CPNE7: variants seen among roughly 807,000 people sequenced by gnomAD.
CPNE7 encodes the protein copine 7, also known as copine-7.
A neutral mutation model predicts 66.5 loss-of-function variants in CPNE7; 78 were observed. The ratio of observed to expected loss-of-function variants is 1.17; its 90% confidence interval spans 0.98 to 1.42. The LOEUF (loss-of-function observed/expected upper bound fraction) is 1.42. Among genes scored for constraint, CPNE7 ranks in the 40% most tolerant of loss-of-function variants. The pLI is 0.00. For synonymous variants in CPNE7, 468 were observed against 336.7 expected (o/e 1.39, Z -4.27); for missense variants, 1,012 against 776.6 (o/e 1.30, Z -3.60).
intron 9 of CPNE7, among the ~76,000 whole-genome samples, chr16:89,588,240 C>T (rs1462183765): frequency 6.7e-6 from 1 of 149,182 alleles, no homozygotes; most frequent in African/African-American, 2.4e-5. Flanking sequence ...CCCCGTGTCA[C>T]CCGCGTGTTA....
intron 13 of CPNE7, among the ~76,000 whole-genome samples, chr16:89,594,407 A>T (rs933740058): frequency 3.3e-5 from 5 of 152,020 alleles, no homozygotes; most frequent in African/African-American, 1.2e-4. Context: ...CCTCTTGGAG[A>T]AGGCGACTCT....
At chr16:89,578,546 G>A (rs1398788774) in intron 2 of CPNE7, among the ~76,000 whole-genome samples, 2 of 151,890 alleles carry the variant, frequency 1.3e-5, no homozygotes, top group Non-Finnish European at 2.9e-5. Context: ...GATCACTTGA[G>A]GTCAGGAGTT....
In CPNE7 at chr16:89,595,439, C is replaced by G. The variant is rs772192853; in HGVS notation, c.1375C>G (p.Arg459Gly). Residue 459 changes from arginine to glycine, a missense_variant, in exon 14 of 15, where the codon CGT becomes GGT. Coordinates refer to ENST00000319518, the MANE Select transcript of CPNE7 (RefSeq NM_153636.3). ...GGCCGACACACGGGAGGCCATTGTG[C>G]GTGCCTCACGCCTGCCCATGTCCAT... Reference protein sequence around the residue: ...DMADTREAIVRASRLPMSIII... With the variant: ...DMADTREAIVGASRLPMSIII... 5 of 1,610,716 alleles carry G rather than the reference C, an allele frequency of 3.1e-6. No individual in the cohort carries two copies. Among genetic ancestry groups the G allele is most frequent in the Non-Finnish European group, 3.4e-6 (4 of 1,178,662 alleles).
chr16:89,591,092 G>A (rs1397200406), intron 12 of CPNE7, 34 bp downstream of exon 12: 2 of 1,613,330 alleles, frequency 1.2e-6, no homozygotes, highest in East Asian at 2.2e-5. Flanking sequence ...GGAGGGGAGT[G>A]CAGGGGGGCC....
intron 10 of CPNE7, among the ~76,000 whole-genome samples, chr16:89,589,058 G>A (rs548764082): frequency 5.9e-5 from 9 of 152,324 alleles, no homozygotes; most frequent in East Asian, 3.9e-4. Flanking sequence ...TTGGGAGGCC[G>A]AGGCGGGTGG....
chr16:89,587,738 TAC>T (rs2059085205), intron 9 of CPNE7: 4 of 128,054 alleles, frequency 3.1e-5, no homozygotes, highest in South Asian at 1.7e-4. Flanking sequence ...CACCCACAGA[TAC>T]ACGGCCCCCG....
rs1352741559 is a variant in CPNE7 at position 89,587,219 on chromosome 16, C to G, written c.927+117C>G. Reference sequence around the variant, plus strand: ...CCCTCAGTCTGTGGCCCCGCCCATCCCCGCCCCCTCAGTCCGTGGCCCCGC... The same window carrying G: ...CCCTCAGTCTGTGGCCCCGCCCATCGCCGCCCCCTCAGTCCGTGGCCCCGC... On this transcript the variant is annotated intron_variant, in intron 9 of 14. Coordinates refer to ENST00000319518, the MANE Select transcript of CPNE7 (RefSeq NM_153636.3). 40 of 324,352 alleles carry G rather than the reference C, an allele frequency of 1.2e-4. No individual in the cohort carries two copies. The East Asian group carries it at 1.7e-3, about 14-fold the overall frequency. The allele number at this position is 324,352 out of a possible 1,614,324, so 20.1% of individuals were successfully genotyped here.
intron 2 of CPNE7, 153 bp from the exon 3 acceptor site, chr16:89,583,544 C>T (rs752266902): frequency 1.9e-6 from 3 of 1,579,742 alleles, no homozygotes; most frequent in East Asian, 2.3e-5. Context: ...TGAGAGCAGC[C>T]ACAAAGGGGG....
In CPNE7 at chr16:89,595,579, C is replaced by G. The variant is rs544901695; in HGVS notation, c.1515C>G (p.Phe505Leu). 6.2e-7 allele frequency: 1 copy of G among 1,606,920 alleles called. No homozygotes were observed. The highest frequency in any genetic ancestry group is 8.5e-7 in the Non-Finnish European group (1 of 1,175,586). The change falls in exon 14 of 15, where the codon TTC becomes TTG. Residue 505 changes from phenylalanine to leucine, a missense_variant. Phe to Leu is a conservative substitution (Grantham distance 22, BLOSUM62 0). Transcript: ENST00000319518. Reference sequence around the variant, plus strand: ...CCGCGCTCCGGGACATCGTACAGTTCGTGCCCTTCCGGGAGCTCAAGAACG... The same window carrying G: ...CCGCGCTCCGGGACATCGTACAGTTGGTGCCCTTCCGGGAGCTCAAGAACG... ...GEPALRDIVQFVPFRELKNAS... is the reference protein window; with the variant it reads ...GEPALRDIVQLVPFRELKNAS...
chr16:89,596,700 A>G lies in CPNE7; in HGVS notation c.*79A>G. The G allele has an allele frequency of 7.0e-7, 1 of 1,418,590 alleles. No individual in the cohort carries two copies. The highest frequency in any genetic ancestry group is 1.5e-5 in the African/African-American group (1 of 68,596). The allele number at this position is 1,418,590 out of a possible 1,614,324, so 87.9% of individuals were successfully genotyped here. ...GTCTGCAACATGCTTGGGGTCCCTT[A>G]AGCTCCCTCCGACCTCCCAGAAGCC... On this transcript the variant is annotated 3_prime_UTR_variant, in exon 15 of 15. Transcript: ENST00000319518.
At position 89,588,832 on chromosome 16, in the gene CPNE7, C is replaced by T. The variant is rs760848112; in HGVS notation, c.1061+24C>T. 42 of 1,608,396 alleles carry T rather than the reference C, an allele frequency of 2.6e-5. No homozygotes were observed. In the South Asian group the frequency reaches 4.5e-4, roughly 17 times the overall value. On this transcript the variant is annotated intron_variant, in intron 10 of 14. Coordinates refer to ENST00000319518, the MANE Select transcript of CPNE7 (RefSeq NM_153636.3). ...AGGTGCGCCCACCACCTTCCCCTCA[C>T]CCCCTGGTCTCCAGGTCAGCTATGA... is the stretch of plus-strand genomic sequence containing the variant.
chr16:89,592,939 A>C (rs560836670), intron 13 of CPNE7, among the ~76,000 whole-genome samples: 9 of 146,962 alleles, frequency 6.1e-5, no homozygotes, highest in African/African-American at 2.0e-4. Flanking sequence ...CAGCCTCCTG[A>C]GTAGCTGGGA....
At chr16:89,585,589 G>A (rs757013486) in intron 6 of CPNE7, 36 bp downstream of exon 6, 7 of 1,588,464 alleles carry the variant, frequency 4.4e-6, no homozygotes, top group Non-Finnish European at 6.0e-6. Context: ...GCAGTGAGGG[G>A]GTGGCCTGGA....
rs1597693691 is a variant in CPNE7 at position 89,579,882 on chromosome 16, G to T, written c.357+2161G>T. Among the ~76,000 whole-genome samples the T allele has an allele frequency of 5.0e-5, 2 of 39,996 alleles. 1 individual carries two copies. Among genetic ancestry groups the T allele is most frequent in the African/African-American group, 1.4e-4 (2 of 14,700 alleles). 26.2% of individuals were successfully genotyped at this position (39,996 alleles called of 152,430 possible). A position where few individuals can be genotyped will look rare whatever the true frequency, so the allele number is the denominator to read the frequency against. On this transcript the variant is annotated intron_variant, in intron 2 of 14. Coordinates refer to ENST00000319518, the MANE Select transcript of CPNE7 (RefSeq NM_153636.3). ...CACACGGAACATCCCGTCACCTGCTGACACGGAACATCTCACCCATCACAC... is the reference window on the plus strand; with the variant it reads ...CACACGGAACATCCCGTCACCTGCTTACACGGAACATCTCACCCATCACAC...
At position 89,594,411 on chromosome 16, in the gene CPNE7, C is replaced by T. The variant is rs187976478; in HGVS notation, c.1303-956C>T. The stretch of plus-strand genomic sequence containing the variant: ...CAAAAAGAGAGCCTCTTGGAGAAGG[C>T]GACTCTGAGTGGGGTCCTGGGGCCC... On this transcript the variant is annotated intron_variant, in intron 13 of 14. Coordinates refer to ENST00000319518, the MANE Select transcript of CPNE7 (RefSeq NM_153636.3). 5.3e-5 allele frequency among the ~76,000 whole-genome samples: 8 copies of T among 152,108 alleles called. No homozygotes were observed. The East Asian group carries it at 7.7e-4, about 15-fold the overall frequency.
chr16:89,586,487 C>T (rs908395572), intron 7 of CPNE7, among the ~76,000 whole-genome samples, 183 bp from the exon 8 acceptor site: 7 of 151,838 alleles, frequency 4.6e-5, no homozygotes, highest in African/African-American at 1.5e-4. Flanking sequence ...ATGCAACTCC[C>T]ATCCCTCTTC....
At chr16:89,590,093 C>A in intron 11 of CPNE7, 142 bp downstream of exon 11, 1 of 948,680 alleles carries the variant, frequency 1.1e-6, no homozygotes. Context: ...AAGCGGGAAC[C>A]CCAGCCTTCT....
At position 89,584,164 on chromosome 16, in the gene CPNE7, C is replaced by T. The variant is rs943037764; in HGVS notation, c.507+62C>T. 87 of 1,538,288 alleles carry T rather than the reference C, an allele frequency of 5.7e-5. No homozygotes were observed. The highest frequency in any genetic ancestry group is 6.9e-5 in the South Asian group (6 of 86,558). ...AGGTCCGGGAACCGGTTCGAAAACCCGGTCCCTGCCCAGCGCTGACCTCGC... is the reference window on the plus strand; with the variant it reads ...AGGTCCGGGAACCGGTTCGAAAACCTGGTCCCTGCCCAGCGCTGACCTCGC... On this transcript the variant is annotated intron_variant, in intron 4 of 14. Coordinates refer to ENST00000319518, the MANE Select transcript of CPNE7 (RefSeq NM_153636.3). The surrounding 1 kb of genome is among the most constrained non-coding windows in gnomAD (Gnocchi z 6.0).
intron 2 of CPNE7, chr16:89,583,437 T>A: frequency 6.5e-7 from 1 of 1,549,852 alleles, no homozygotes; most frequent in Non-Finnish European, 8.7e-7. Flanking sequence ...CCTCACCTGG[T>A]AAATAGGTAT....
Sources: gnomAD v4.1 joint callset for allele counts (sites outside exome capture counted in the v4.1 genomes callset) on GRCh38, gnomAD v4.1.1 for gene constraint, Gnocchi (gnomAD v3.1) non-coding constraint, MANE v1.5 for transcripts, NCBI Gene and HGNC (gene_info 2026-07-23, HGNC 2026-07-21) for gene names.